The following HPSE2 variants were observed in gnomAD, a reference collection of about 807,000 sequenced individuals.
HPSE2 encodes heparanase 2 (inactive).
HPSE2 carries 38 observed loss-of-function variants against 60.5 expected under a neutral mutation model. That is an observed-to-expected ratio of 0.63 (90% CI 0.48 to 0.82). The LOEUF is 0.82. HPSE2 is among the 40% of genes least tolerant of loss of function. The pLI is 0.00. For missense variants in HPSE2, 713 were observed against 740.4 expected, an observed-to-expected ratio of 0.96 and a Z score of 0.43; for synonymous variants, 295 against 293.2, an observed-to-expected ratio of 1.01 and a Z score of -0.06.
At chr10:99,089,412 C>A (rs1843436588) in intron 3 of HPSE2, among the ~76,000 whole-genome samples, 1 of 152,144 alleles carries the variant, frequency 6.6e-6, no homozygotes, top group African/African-American at 2.4e-5. Context: ...TATCACAGCA[C>A]CATTTGTTGA....
intron 2 of HPSE2, among the ~76,000 whole-genome samples, chr10:99,173,233 A>T (rs578010254): frequency 6.6e-6 from 1 of 152,304 alleles, no homozygotes; most frequent in Non-Finnish European, 1.5e-5. Flanking sequence ...ACATCCCGTC[A>T]TAGTATACTG....
the HPSE2 span, among the ~76,000 whole-genome samples, chr10:99,263,406 C>G: frequency 6.6e-6 from 1 of 152,208 alleles, no homozygotes; most frequent in African/African-American, 2.4e-5. Flanking sequence ...TCCTGCACCA[C>G]CATGCTGTTA....
chr10:99,026,512 A>T lies in HPSE2; in HGVS notation c.610+117726T>A, dbSNP rs115985453. On this transcript the variant is annotated intron_variant, in intron 3 of 11. Transcript: ENST00000370552. ...GAGGTAAAGGGAGAGAGAGTCCTCA[A>T]TACAATAATAGCTGGAAACTTCGAC... Among the ~76,000 whole-genome samples, 749 of 152,270 alleles carry T rather than the reference A, an allele frequency of 4.9e-3. 4 individuals carry two copies. The highest frequency in any genetic ancestry group is 0.017 in the African/African-American group (713 of 41,582).
chr10:99,250,142 C>A, the HPSE2 span, among the ~76,000 whole-genome samples: 70,500 of 137,352 alleles, frequency 0.51, 20,406 homozygotes, highest in Non-Finnish European at 0.65. Flanking sequence ...AACTCCATCT[C>A]AAAAAAAAAA....
chr10:98,777,333 T>C (rs1950363270), intron 3 of HPSE2, among the ~76,000 whole-genome samples: 1 of 152,216 alleles, frequency 6.6e-6, no homozygotes, highest in East Asian at 1.9e-4. Context: ...ACAGACAAAC[T>C]GAATTCAAAC....
intron 11 of HPSE2, among the ~76,000 whole-genome samples, chr10:98,468,537 G>A (rs1940649104): frequency 6.6e-6 from 1 of 152,094 alleles, no homozygotes; most frequent in Non-Finnish European, 1.5e-5. Context: ...CTGATAACAA[G>A]CTGGGAGAGC....
chr10:98,569,432 C>T (rs191932935), intron 9 of HPSE2, among the ~76,000 whole-genome samples: 58 of 152,216 alleles, frequency 3.8e-4, no homozygotes, highest in Admixed American at 2.9e-3. Context: ...GTAAAATAAA[C>T]TTAATGATAC....
chr10:99,248,093 G>A, the HPSE2 span, among the ~76,000 whole-genome samples: 1 of 152,184 alleles, frequency 6.6e-6, no homozygotes, highest in African/African-American at 2.4e-5. Flanking sequence ...CCAGGAGCAG[G>A]GTACTGCTAT....
chr10:98,714,053 T>C (rs547639067), intron 5 of HPSE2, among the ~76,000 whole-genome samples: 1 of 152,088 alleles, frequency 6.6e-6, no homozygotes, highest in South Asian at 2.1e-4. Context: ...GTTCTCTTTC[T>C]TGTTTTGGGA....
intron 3 of HPSE2, among the ~76,000 whole-genome samples, chr10:98,795,110 G>A (rs963810469): frequency 1.4e-5 from 2 of 147,138 alleles, no homozygotes; most frequent in Non-Finnish European, 3.0e-5. Context: ...GGGCAAGATG[G>A]AAGAATAGAA....
At chr10:98,895,066 C>T (rs951049378) in intron 3 of HPSE2, among the ~76,000 whole-genome samples, 4 of 151,934 alleles carry the variant, frequency 2.6e-5, no homozygotes, top group African/African-American at 7.2e-5. Flanking sequence ...GAAACAAAGA[C>T]ATCTGAAGTT....
intron 2 of HPSE2, among the ~76,000 whole-genome samples, chr10:99,163,025 C>T (rs543224710): frequency 5.3e-5 from 8 of 152,122 alleles, no homozygotes; most frequent in East Asian, 3.9e-4. Flanking sequence ...CTGGCTAACA[C>T]GGTGAAACTC....
chr10:98,547,647 G>T (rs1943729579), intron 9 of HPSE2, among the ~76,000 whole-genome samples: 1 of 118,674 alleles, frequency 8.4e-6, no homozygotes, highest in Non-Finnish European at 1.7e-5. Flanking sequence ...ACACTCTGGG[G>T]ACTGTTGTGG....
chr10:99,250,486 G>A, the HPSE2 span, among the ~76,000 whole-genome samples: 116 of 152,220 alleles, frequency 7.6e-4, 3 homozygotes, highest in South Asian at 0.024. Context: ...ACTTAAACAT[G>A]ACACTTGACC....
chr10:98,475,721 T>TTTGC (rs374635343), intron 11 of HPSE2, among the ~76,000 whole-genome samples: 1 of 54,046 alleles, frequency 1.9e-5, no homozygotes, highest in Non-Finnish European at 3.4e-5. Context: ...TAATAATCCC[T>TTTGC]TTGAGAAGAG....
intron 2 of HPSE2, among the ~76,000 whole-genome samples, chr10:99,165,063 C>G (rs1016536398): frequency 9.4e-6 from 1 of 105,940 alleles, no homozygotes; most frequent in South Asian, 3.2e-4. Context: ...AGTCTGGCAA[C>G]AGAGCAAGAC....
chr10:98,965,073 C>G (rs1325508952), intron 3 of HPSE2, among the ~76,000 whole-genome samples: 1 of 152,138 alleles, frequency 6.6e-6, no homozygotes, highest in Admixed American at 6.5e-5. Context: ...ATTAGTTTCT[C>G]TGTCAACAGA....
chr10:98,764,278 T>A (rs1950070702), intron 3 of HPSE2, among the ~76,000 whole-genome samples: 1 of 151,826 alleles, frequency 6.6e-6, no homozygotes, highest in Non-Finnish European at 1.5e-5. Flanking sequence ...TAAATTCAAA[T>A]GGAACACTAA....
intron 3 of HPSE2, among the ~76,000 whole-genome samples, chr10:98,915,775 G>A (rs1369073920): frequency 6.6e-6 from 1 of 152,190 alleles, no homozygotes; most frequent in Non-Finnish European, 1.5e-5. Context: ...GGAAAAGAAA[G>A]AGCATGCGGA....
Sources: allele counts gnomAD v4.1 joint callset (sites outside exome capture counted in the v4.1 genomes callset), GRCh38; gene constraint gnomAD v4.1.1; transcripts MANE v1.5; gene names NCBI Gene and HGNC (gene_info 2026-07-23, HGNC 2026-07-21).